DENND2B: variants seen among roughly 807,000 people sequenced by gnomAD.
DENND2B encodes DENN domain containing 2B, also known as DENN domain-containing protein 2B.
In DENND2B, 32 loss-of-function variants were observed where a neutral mutation model predicts 116.0. The observed-to-expected ratio is 0.28, with a 90% CI of 0.21 to 0.37. The LOEUF is 0.37. Ranked by LOEUF, DENND2B falls within the 10% of genes least tolerant of loss-of-function variation. The probability of loss-of-function intolerance (pLI) is 1.00; values close to 1 mark genes in which losing one functional copy is unlikely to be tolerated. For synonymous variants in DENND2B, 588 were observed against 583.9 expected (o/e 1.01, Z -0.10); for missense variants, 1,276 against 1,477.7 (o/e 0.86, Z 2.24).
chr11:8,721,401 T>C (rs2046149388), intron 4 of DENND2B, among the ~76,000 whole-genome samples: 1 of 151,982 alleles, frequency 6.6e-6, no homozygotes, highest in Non-Finnish European at 1.5e-5. Flanking sequence ...AGGAAAGGGG[T>C]GTGTGTATAC....
At chr11:8,865,999 G>A (rs938811704) in intron 2 of DENND2B, among the ~76,000 whole-genome samples, 5 of 151,086 alleles carry the variant, frequency 3.3e-5, no homozygotes, top group South Asian at 2.1e-4. Context: ...TCGCTCTGTC[G>A]CCCAGGCTGG....
chr11:8,793,376 C>T (rs1466537367), intron 1 of DENND2B, among the ~76,000 whole-genome samples: 1 of 152,208 alleles, frequency 6.6e-6, no homozygotes, highest in African/African-American at 2.4e-5. Flanking sequence ...TACCTCTAAT[C>T]TATTTTCCTG....
In DENND2B at chr11:8,702,676, C is replaced by A. The variant is rs1053560432; in HGVS notation, c.2616G>T (p.Val872=). 6.2e-7 allele frequency: 1 copy of A among 1,613,980 alleles called. No individual in the cohort carries two copies. The highest frequency in any genetic ancestry group is 1.3e-5 in the African/African-American group (1 of 75,046). Reference sequence around the variant, plus strand: ...GGCAGGTAAAAAGGCACTCAAAGTCCACGTGCTCCAGCCTTGAGTCCATGG... The same window carrying A: ...GGCAGGTAAAAAGGCACTCAAAGTCAACGTGCTCCAGCCTTGAGTCCATGG... ...RRPMDSRLEH[V]DFECLFTCLS... Residue 872 remains valine (V), a synonymous_variant, in exon 14 of 20, where the codon GTG becomes GTT. Coordinates refer to ENST00000313726, the MANE Select transcript of DENND2B (RefSeq NM_213618.2). The surrounding 1 kb of genome is among the most constrained non-coding windows in gnomAD (Gnocchi z 4.6).
chr11:8,889,505 G>C (rs2064000600), intron 1 of DENND2B, among the ~76,000 whole-genome samples: 1 of 152,216 alleles, frequency 6.6e-6, no homozygotes, highest in Admixed American at 6.5e-5. Context: ...AAGGGAAGCT[G>C]TGACAGACAG....
intron 1 of DENND2B, among the ~76,000 whole-genome samples, chr11:8,900,402 G>T (rs2064151204): frequency 7.0e-6 from 1 of 143,392 alleles, no homozygotes. Context: ...CTGCACTCCA[G>T]CCTGGGCGAC....
chr11:8,822,409 G>C (rs1252265291), intron 4 of DENND2B, among the ~76,000 whole-genome samples: 1 of 152,158 alleles, frequency 6.6e-6, no homozygotes, highest in Non-Finnish European at 1.5e-5. Flanking sequence ...AAACAATACA[G>C]TATTAACTAT....
At chr11:8,697,374 C>G (rs2040552805) in intron 17 of DENND2B, 151 bp downstream of exon 17, 2 of 610,084 alleles carry the variant, frequency 3.3e-6, no homozygotes, top group Admixed American at 5.8e-5. Flanking sequence ...CCTAAACTAC[C>G]TGGGGTAGAA....
intron 1 of DENND2B, chr11:8,774,126 G>A (rs546783182): frequency 6.4e-5 from 63 of 985,332 alleles, no homozygotes; most frequent in Non-Finnish European, 7.5e-5. Flanking sequence ...ACTTACCACT[G>A]CTAAAAGTGC....
rs2058156741 is a variant in DENND2B at position 8,779,591 on chromosome 11, C to G, written c.-25-28866G>C. On this transcript the variant is annotated intron_variant, in intron 1 of 19. Coordinates refer to ENST00000313726, the MANE Select transcript of DENND2B (RefSeq NM_213618.2). ...ACAATGGTGGAATCTCGGCTCACCA[C>G]AACCTCTTACCTCCCGGGTTCAAGT... is the stretch of plus-strand genomic sequence containing the variant. 3.4e-5 allele frequency among the ~76,000 whole-genome samples: 5 copies of G among 148,822 alleles called. No homozygotes were observed. In the South Asian group the frequency reaches 1.1e-3, roughly 32 times the overall value.
intron 1 of DENND2B, among the ~76,000 whole-genome samples, chr11:8,779,187 G>A (rs1201193326): frequency 6.6e-6 from 1 of 152,268 alleles, no homozygotes; most frequent in Non-Finnish European, 1.5e-5. Context: ...TCTGGACGGG[G>A]CTTCTGTGGG....
At chr11:8,699,155 T>C (rs2041021320) in intron 15 of DENND2B, 58 bp downstream of exon 15, 1 of 1,523,502 alleles carries the variant, frequency 6.6e-7, no homozygotes, top group Non-Finnish European at 8.8e-7. Flanking sequence ...ACAAGTAAGA[T>C]CCCAGCACCT....
At chr11:8,715,005 G>A (rs2044465196) in intron 6 of DENND2B, among the ~76,000 whole-genome samples, 1 of 152,150 alleles carries the variant, frequency 6.6e-6, no homozygotes, top group Non-Finnish European at 1.5e-5. Flanking sequence ...GTAGCTCCTG[G>A]GTCCCAAGAG....
chr11:8,853,509 C>A (rs2063083536), intron 3 of DENND2B, among the ~76,000 whole-genome samples: 1 of 152,204 alleles, frequency 6.6e-6, no homozygotes, highest in Non-Finnish European at 1.5e-5. Context: ...GGTTCCAGAA[C>A]TGTGAGCAAT....
intron 11 of DENND2B, among the ~76,000 whole-genome samples, chr11:8,709,402 G>C (rs892833540): frequency 2.6e-5 from 4 of 152,096 alleles, no homozygotes; most frequent in Admixed American, 2.6e-4. Flanking sequence ...AGCACGCCAG[G>C]ACAAACACGC....
Position 8,754,029 on chromosome 11 carries a change from G to GCGCGCACACACACACACA in DENND2B, c.-25-3305_-25-3304insTGTGTGTGTGTGTGCGCG, listed in dbSNP as rs146486674. Among the ~76,000 whole-genome samples the GCGCGCACACACACACACA allele has an allele frequency of 2.9e-3, 400 of 138,820 alleles. 2 individuals are homozygous for GCGCGCACACACACACACA. Among genetic ancestry groups the GCGCGCACACACACACACA allele is most frequent in the African/African-American group, 6.4e-3 (233 of 36,616 alleles). 91.1% of individuals were successfully genotyped at this position (138,820 alleles called of 152,430 possible). On this transcript the variant is annotated intron_variant, in intron 1 of 19. Transcript: ENST00000313726. The stretch of plus-strand genomic sequence containing the variant: ...TTCTTAGATATAACACCAAAAGCGC[G>GCGCGCACACACACACACA]CACACACACACACACACACACACAC...
chr11:8,855,637 C>T (rs1195176494), intron 3 of DENND2B, among the ~76,000 whole-genome samples: 3 of 151,900 alleles, frequency 2.0e-5, no homozygotes, highest in Non-Finnish European at 2.9e-5. Context: ...GGAAACAGCA[C>T]GCCGAGAAGG....
At chr11:8,724,459 C>T (rs186868390) in intron 4 of DENND2B, among the ~76,000 whole-genome samples, 6 of 152,276 alleles carry the variant, frequency 3.9e-5, no homozygotes, top group African/African-American at 1.4e-4. Flanking sequence ...GCAGGCAGCA[C>T]ACAGCCTCTC....
chr11:8,893,704 C>A lies in DENND2B; in HGVS notation c.-255-12595G>T, dbSNP rs563672294. 2.0e-3 allele frequency among the ~76,000 whole-genome samples: 308 copies of A among 152,194 alleles called. 3 individuals carry two copies. Among genetic ancestry groups the A allele is most frequent in the South Asian group, 0.011 (55 of 4,820 alleles). ...CCAACTTACAAGGGATGTGAAGGAC[C>A]TCTTCAAGGAGAACTACAAACCGTT... On this transcript the variant is annotated intron_variant, in intron 1 of 22. Coordinates refer to the DENND2B transcript ENST00000534127.
chr11:8,707,962 G>C lies in DENND2B; in HGVS notation c.2353-108C>G. 6.5e-7 allele frequency: 1 copy of C among 1,537,688 alleles called. No homozygotes were observed. Among genetic ancestry groups the C allele is most frequent in the Non-Finnish European group, 8.7e-7 (1 of 1,145,840 alleles). On this transcript the variant is annotated intron_variant, in intron 11 of 19. Coordinates refer to ENST00000313726, the MANE Select transcript of DENND2B (RefSeq NM_213618.2). This position sits in a 1 kb window ranked among gnomAD's most constrained non-coding sequence, Gnocchi z 4.8. ...CGGAGGAGTAAGGACTGCCCTTCTA[G>C]TGGAGGAAGACTTTAAGCCTCCTCT...
Sources: allele counts gnomAD v4.1 joint callset (sites outside exome capture counted in the v4.1 genomes callset), GRCh38; gene constraint gnomAD v4.1.1; non-coding constraint Gnocchi (gnomAD v3.1); transcripts MANE v1.5; gene names NCBI Gene and HGNC (gene_info 2026-07-23, HGNC 2026-07-21).